The following PTPRG variants were observed in gnomAD, a reference collection of about 807,000 sequenced individuals.
PTPRG encodes the protein receptor-type tyrosine-protein phosphatase gamma.
In PTPRG, 102 loss-of-function variants were observed where a neutral mutation model predicts 165.3. That is an observed-to-expected ratio of 0.62 (90% confidence interval 0.53 to 0.73). The LOEUF is 0.73. PTPRG is among the 30% of genes least tolerant of loss of function. PTPRG has a pLI of 0.00. For missense variants in PTPRG, 1,866 were observed against 1,861.4 expected (o/e 1.00, Z -0.05); for synonymous variants, 675 against 669.5 (o/e 1.01, Z -0.13).
intron 1 of PTPRG, among the ~76,000 whole-genome samples, chr3:61,664,728 G>A (rs1702757509): frequency 6.6e-6 from 1 of 152,234 alleles, no homozygotes; most frequent in Non-Finnish European, 1.5e-5. Context: ...CTACTAGGGA[G>A]GCTGGGGTGG....
rs372086949 is a variant in PTPRG, at chr3:62,203,674, C to T, written c.1879C>T (p.Pro627Ser). Residue 627 changes from proline (P) to serine (S), a missense_variant, in exon 12 of 30, where the codon CCC becomes TCC. Coordinates refer to ENST00000474889, the MANE Select transcript of PTPRG (RefSeq NM_002841.4). The surrounding 1 kb of genome is among the most constrained non-coding windows in gnomAD (Gnocchi z 6.4). ...ERNQTEPSPT[P>S]SSPNRTAEGG... ...GAATCAGACGGAGCCCAGCCCCACA[C>T]CCTCGTCTCCTAACAGGACTGCCGA... is the stretch of plus-strand genomic sequence containing the variant. The T allele has an allele frequency of 6.0e-5, 94 of 1,566,096 alleles. 2 individuals carry two copies. The highest frequency in any genetic ancestry group is 4.2e-4 in the East Asian group (18 of 42,394).
At chr3:61,966,199 T>C (rs2040267136) in intron 2 of PTPRG, among the ~76,000 whole-genome samples, 1 of 152,214 alleles carries the variant, frequency 6.6e-6, no homozygotes, top group South Asian at 2.1e-4. Context: ...TCTCGCATGC[T>C]TAACTATCTG....
At position 61,737,156 on chromosome 3, in the gene PTPRG, T is replaced by G. The variant is rs560221243; in HGVS notation, c.86-11722T>G. 7.9e-5 allele frequency among the ~76,000 whole-genome samples: 12 copies of G among 152,286 alleles called. No homozygotes were observed. The East Asian group carries it at 2.3e-3, about 29-fold the overall frequency. On this transcript the variant is annotated intron_variant, in intron 1 of 29. Coordinates refer to ENST00000474889, the MANE Select transcript of PTPRG (RefSeq NM_002841.4). ...CAATGCCCTCAACTAAAATGATGTT[T>G]CTTTTCTCCAAATGATGTTTCTTTC...
chr3:61,637,343 T>TG (rs1701939100), intron 1 of PTPRG, among the ~76,000 whole-genome samples: 2 of 152,152 alleles, frequency 1.3e-5, no homozygotes. Context: ...AAGGTTAACT[T>TG]GGGTAATTTT....
chr3:61,883,232 C>G (rs1372350691), intron 2 of PTPRG, among the ~76,000 whole-genome samples: 1 of 152,154 alleles, frequency 6.6e-6, no homozygotes, highest in Non-Finnish European at 1.5e-5. Context: ...AAATTATTTG[C>G]TGAACACCAT....
chr3:61,924,472 C>T (rs762559829), intron 2 of PTPRG, among the ~76,000 whole-genome samples: 2 of 152,176 alleles, frequency 1.3e-5, no homozygotes, highest in South Asian at 2.1e-4. Context: ...GAGAAGGAAA[C>T]GGAAACTTTG....
chr3:62,278,569 C>T (rs1469708144), intron 26 of PTPRG, among the ~76,000 whole-genome samples: 3 of 151,988 alleles, frequency 2.0e-5, no homozygotes, highest in Non-Finnish European at 4.4e-5. Flanking sequence ...GAGGATCTGC[C>T]TTTATGATAG....
intron 2 of PTPRG, among the ~76,000 whole-genome samples, chr3:61,778,256 C>T (rs2034442610): frequency 6.6e-6 from 1 of 152,042 alleles, no homozygotes; most frequent in African/African-American, 2.4e-5. Flanking sequence ...CTCAAGGGCT[C>T]CTGTTATAGA....
intron 28 of PTPRG, among the ~76,000 whole-genome samples, chr3:62,291,668 C>A (rs1481273509): frequency 6.6e-6 from 1 of 152,132 alleles, no homozygotes; most frequent in African/African-American, 2.4e-5. Context: ...GAACTCCAGT[C>A]TCATTTCTGC....
rs1036215311 is a variant in PTPRG at position 62,292,494 on chromosome 3, G to C, written c.4129G>C (p.Val1377Leu). ...CCAGCAACTGGAGAATGAAAATGCT[G>C]TGGATGTTTTCCAGGTTGCAAAAAT... ...LSQQLENENAVDVFQVAKMIN... is the reference protein window; with the variant it reads ...LSQQLENENALDVFQVAKMIN... Residue 1377 changes from valine (V) to leucine (L), a missense_variant, in exon 29 of 30, where the codon GTG becomes CTG. Transcript: ENST00000474889. The C allele has an allele frequency of 2.5e-6, 4 of 1,613,684 alleles. No individual in the cohort carries two copies. The highest frequency in any genetic ancestry group is 3.4e-6 in the Non-Finnish European group (4 of 1,179,734).
intron 5 of PTPRG, among the ~76,000 whole-genome samples, chr3:62,100,730 G>A (rs1702261206): frequency 6.6e-6 from 1 of 152,236 alleles, no homozygotes; most frequent in South Asian, 2.1e-4. Context: ...ATAAATACTA[G>A]TAAAGACTTT....
rs148091053 is a variant in PTPRG at position 61,823,379 on chromosome 3, C to T, written c.190+74397C>T. ...CTAATTTTTGTATTTTTAGTAGAGA[C>T]GGGTTTCACCATGTTGAGCAGGATG... On this transcript the variant is annotated intron_variant, in intron 2 of 29. Transcript: ENST00000474889. Among the ~76,000 whole-genome samples the T allele has an allele frequency of 2.4e-4, 37 of 152,182 alleles. No individual in the cohort carries two copies. The East Asian group carries it at 4.1e-3, about 17-fold the overall frequency.
intron 28 of PTPRG, among the ~76,000 whole-genome samples, chr3:62,290,643 A>C (rs1384364671): frequency 6.6e-6 from 1 of 152,140 alleles, no homozygotes; most frequent in African/African-American, 2.4e-5. Context: ...AATGTAGTAC[A>C]TGATAAAAAG....
chr3:62,116,349 A>G (rs189281762), intron 5 of PTPRG, among the ~76,000 whole-genome samples: 2 of 152,124 alleles, frequency 1.3e-5, no homozygotes, highest in African/African-American at 4.8e-5. Flanking sequence ...GATGTGCTTT[A>G]TTGGCCGGAA....
intron 2 of PTPRG, among the ~76,000 whole-genome samples, chr3:61,898,698 A>G (rs1458608732): frequency 1.3e-5 from 2 of 152,224 alleles, no homozygotes; most frequent in Non-Finnish European, 1.5e-5. Flanking sequence ...GCATGTGGCA[A>G]AGGTCTTTAA....
chr3:62,269,069 G>C lies in PTPRG; in HGVS notation c.2909G>C (p.Ser970Thr). ...KCDQYWPTEN[S>T]EEYGNIIVTL... Reference sequence around the variant, plus strand: ...GATCAGTATTGGCCAACAGAGAACAGTGAGGAATATGGAAACATTATTGTC... The same window carrying C: ...GATCAGTATTGGCCAACAGAGAACACTGAGGAATATGGAAACATTATTGTC... Residue 970 changes from serine (S) to threonine (T), a missense_variant, in exon 20 of 30, where the codon AGT (serine) becomes ACT (threonine). By Grantham distance (58) the Ser-to-Thr change is moderately conservative. This residue lies in a region of PTPRG where 1,452 missense variants were observed against 1,463.0 expected (regional missense o/e 0.99). Transcript: ENST00000474889. The C allele has an allele frequency of 6.2e-7, 1 of 1,604,854 alleles. No homozygotes were observed. Among genetic ancestry groups the C allele is most frequent in the Non-Finnish European group, 8.5e-7 (1 of 1,172,970 alleles).
At chr3:61,605,886 A>G (rs1348249927) in intron 1 of PTPRG, among the ~76,000 whole-genome samples, 3 of 152,184 alleles carry the variant, frequency 2.0e-5, no homozygotes, top group Non-Finnish European at 4.4e-5. Flanking sequence ...CTTGTGAATA[A>G]ATATGAACAG....
At chr3:62,263,172 T>C (rs1576191771) in intron 17 of PTPRG, 1 of 303,646 alleles carries the variant, frequency 3.3e-6, no homozygotes, top group African/African-American at 2.2e-5. Context: ...TCATATCACA[T>C]GTTGGGAGCC....
At chr3:62,126,027 G>A (rs1703279251) in intron 5 of PTPRG, among the ~76,000 whole-genome samples, 1 of 152,172 alleles carries the variant, frequency 6.6e-6, no homozygotes, top group Admixed American at 6.5e-5. Context: ...CTCTGGCTTT[G>A]AAATGGCGTG....
Sources: allele counts gnomAD v4.1 joint callset (sites outside exome capture counted in the v4.1 genomes callset), GRCh38; gene constraint gnomAD v4.1.1; regional missense constraint gnomAD v4.1.1; non-coding constraint Gnocchi (gnomAD v3.1); transcripts MANE v1.5; gene names NCBI Gene and HGNC (gene_info 2026-07-23, HGNC 2026-07-21).